Variants in MYDGF observed in about 807,000 individuals in gnomAD.
MYDGF encodes myeloid-derived growth factor.
MYDGF carries 29 observed loss-of-function variants against 24.2 expected under a neutral mutation model. The observed-to-expected ratio is 1.20, with a 90% confidence interval of 0.89 to 1.63. The LOEUF (loss-of-function observed/expected upper bound fraction) is 1.63, where lower values mean the gene tolerates loss of function less well. MYDGF is among the 40% of genes most tolerant of loss of function. The pLI, the probability that MYDGF is intolerant of heterozygous loss-of-function variation, is 0.00. For synonymous variants in MYDGF, 105 were observed against 102.5 expected, an observed-to-expected ratio of 1.02 and a Z score of -0.15; for missense variants, 245 against 234.8, an observed-to-expected ratio of 1.04 and a Z score of -0.29.
chr19:4,666,603 A>G (rs1299415905), intron 2 of MYDGF, among the ~76,000 whole-genome samples: 1 of 151,986 alleles, frequency 6.6e-6, no homozygotes, highest in Non-Finnish European at 1.5e-5. Flanking sequence ...AAATGGACCC[A>G]TGAATCCCAC....
At chr19:4,668,813 C>A in intron 1 of MYDGF, 168 bp from the exon 2 acceptor site, 1 of 553,656 alleles carries the variant, frequency 1.8e-6, no homozygotes, top group Non-Finnish European at 3.3e-6. Context: ...TCTCAAGTAA[C>A]TGAGACAATA....
intron 5 of MYDGF, among the ~76,000 whole-genome samples, chr19:4,659,501 G>C (rs900564175): frequency 6.6e-6 from 1 of 152,146 alleles, no homozygotes; most frequent in African/African-American, 2.4e-5. Context: ...TGGGATTACA[G>C]GCGTGAGCCA....
intron 5 of MYDGF, among the ~76,000 whole-genome samples, chr19:4,659,475 C>T (rs911931683): frequency 4.6e-5 from 7 of 151,462 alleles, no homozygotes; most frequent in Non-Finnish European, 1.0e-4. Context: ...CCGCCCGCCT[C>T]GTCCTCCCAA....
intron 2 of MYDGF, among the ~76,000 whole-genome samples, chr19:4,667,822 C>T: frequency 6.6e-6 from 1 of 152,102 alleles, no homozygotes; most frequent in East Asian, 1.9e-4. Flanking sequence ...CTCAGTCTCC[C>T]AAGTAGCTGG....
intron 3 of MYDGF, among the ~76,000 whole-genome samples, chr19:4,662,483 C>G (rs1047779892): frequency 2.0e-5 from 3 of 152,166 alleles, no homozygotes; most frequent in Non-Finnish European, 4.4e-5. Context: ...GAGCTGGGAT[C>G]TAGGCAGTGG....
chr19:4,663,902 G>A (rs2088500682), intron 3 of MYDGF, among the ~76,000 whole-genome samples: 1 of 150,344 alleles, frequency 6.7e-6, no homozygotes, highest in Non-Finnish European at 1.5e-5. Context: ...GGTGCCTGGA[G>A]GGGCTCCCTG....
chr19:4,669,996 C>A (rs1256732662), intron 1 of MYDGF, among the ~76,000 whole-genome samples, 165 bp downstream of exon 1: 1 of 151,978 alleles, frequency 6.6e-6, no homozygotes, highest in Non-Finnish European at 1.5e-5. Context: ...CCCGGCCTCA[C>A]GGTCCCGCGC....
In MYDGF at chr19:4,663,462, C is replaced by G. The variant is rs55815704; in HGVS notation, c.287+1414G>C. On this transcript the variant is annotated intron_variant, in intron 3 of 5. Coordinates refer to ENST00000262947, the MANE Select transcript of MYDGF (RefSeq NM_019107.4). Reference sequence around the variant, plus strand: ...TCATTCTACACAGCCTCCAATCTACCCTCCCCACCCCATCCTCATTCTACA... The same window carrying G: ...TCATTCTACACAGCCTCCAATCTACGCTCCCCACCCCATCCTCATTCTACA... 3.9e-5 allele frequency among the ~76,000 whole-genome samples: 5 copies of G among 126,640 alleles called. No homozygotes were observed. The East Asian group carries it at 7.8e-4, about 20-fold the overall frequency. 83.1% of individuals were successfully genotyped at this position (126,640 alleles called of 152,430 possible). A position where few individuals can be genotyped will look rare whatever the true frequency, so the allele number is the denominator to read the frequency against.
Position 4,660,739 on chromosome 19 carries a change from T to G in MYDGF, c.299A>C (p.Lys100Thr), listed in dbSNP as rs2088463898. 1.2e-6 allele frequency: 2 copies of G among 1,613,768 alleles called. No homozygotes were observed. The highest frequency in any genetic ancestry group is 1.7e-6 in the Non-Finnish European group (2 of 1,179,850). ...FTCTIWRPQGKSYLYFTQFKA... is the reference protein window; with the variant it reads ...FTCTIWRPQGTSYLYFTQFKA... ...GAACTGTGTGAAGTACAGATAGGACTTCCCCTGGGGCCTGCAGAGGAAGAG... is the reference window on the plus strand; with the variant it reads ...GAACTGTGTGAAGTACAGATAGGACGTCCCCTGGGGCCTGCAGAGGAAGAG... The change falls in exon 4 of 6, where the codon AAG becomes ACG. Residue 100 changes from lysine (K) to threonine (T), a missense_variant. By Grantham distance (78) the Lys-to-Thr change is moderately conservative. Coordinates refer to ENST00000262947, the MANE Select transcript of MYDGF (RefSeq NM_019107.4).
Position 4,657,989 on chromosome 19 carries a change from G to C in MYDGF, c.*16C>G, listed in dbSNP as rs767121173. 3.1e-6 allele frequency: 5 copies of C among 1,601,202 alleles called. No individual in the cohort carries two copies. Among genetic ancestry groups the C allele is most frequent in the Non-Finnish European group, 4.3e-6 (5 of 1,174,922 alleles). ...CACCGGAGATGAGAAGGTGCCACCC[G>C]CAACAGGGCTGCTGGTCACAGCTCA... On this transcript the variant is annotated 3_prime_UTR_variant, in exon 6 of 6. Transcript: ENST00000262947.
chr19:4,663,412 TGTGC>T (rs2088489209), intron 3 of MYDGF, among the ~76,000 whole-genome samples: 1 of 131,300 alleles, frequency 7.6e-6, no homozygotes, highest in African/African-American at 3.0e-5. Flanking sequence ...GCCTCCAATC[TGTGC>T]CCTCTCCACC....
intron 1 of MYDGF, 75 bp from the exon 2 acceptor site, chr19:4,668,720 C>A: frequency 7.5e-7 from 1 of 1,339,384 alleles, no homozygotes; most frequent in South Asian, 1.2e-5. Context: ...GTCTTGCTGT[C>A]ACCCAAGCTG....
In MYDGF at chr19:4,659,292, A is replaced by G. The variant is rs555749492; in HGVS notation, c.442+639T>C. On this transcript the variant is annotated intron_variant, in intron 5 of 5. Transcript: ENST00000262947. ...CTTGCTGTCTTCCAGGCTAGAGTGC[A>G]GTGGCATGATCTCAGCTCACTGCAA... Among the ~76,000 whole-genome samples, 7 of 152,076 alleles carry G rather than the reference A, an allele frequency of 4.6e-5. No individual in the cohort carries two copies. In the East Asian group the frequency reaches 1.4e-3, roughly 29 times the overall value.
At position 4,658,081 on chromosome 19, in the gene MYDGF, G is replaced by C; in HGVS notation, c.446C>G (p.Ala149Gly). The stretch of plus-strand genomic sequence containing the variant: ...AGCTTTGAATGCCCCGGGCCTGTGA[G>C]CCACTGCAAGAAAGAAACACATGGT... ...EEFEVTKTAVAHRPGAFKAEL... is the reference protein window; with the variant it reads ...EEFEVTKTAVGHRPGAFKAEL... Residue 149 changes from alanine to glycine, a missense_variant, in exon 6 of 6, where the codon GCT becomes GGT. Coordinates refer to ENST00000262947, the MANE Select transcript of MYDGF (RefSeq NM_019107.4). 2 of 1,609,674 alleles carry C rather than the reference G, an allele frequency of 1.2e-6. No homozygotes were observed. The highest frequency in any genetic ancestry group is 2.2e-5 in the South Asian group (2 of 90,058).
At chr19:4,664,465 G>A (rs1441249712) in intron 3 of MYDGF, among the ~76,000 whole-genome samples, 4 of 150,408 alleles carry the variant, frequency 2.7e-5, no homozygotes, top group Non-Finnish European at 5.9e-5. Flanking sequence ...ACTACAGCCC[G>A]GGCAAAAGAT....
chr19:4,666,957 T>C (rs1441921090), intron 2 of MYDGF, among the ~76,000 whole-genome samples: 1 of 151,998 alleles, frequency 6.6e-6, no homozygotes, highest in Non-Finnish European at 1.5e-5. Context: ...CAAGCTCTTG[T>C]GGTTGTGGCA....
chr19:4,660,653 A>G lies in MYDGF; in HGVS notation c.369+16T>C. On this transcript the variant is annotated intron_variant, in intron 4 of 5. Coordinates refer to ENST00000262947, the MANE Select transcript of MYDGF (RefSeq NM_019107.4). The stretch of plus-strand genomic sequence containing the variant: ...AGAAGCCACACCCGGAGCCTGCCCC[A>G]CTCCAAGATACTCACGTAGGCCATG... The G allele has an allele frequency of 6.2e-7, 1 of 1,610,998 alleles. No individual in the cohort carries two copies. The highest frequency in any genetic ancestry group is 8.5e-7 in the Non-Finnish European group (1 of 1,177,556).
chr19:4,663,413 G>A (rs2088489183), intron 3 of MYDGF, among the ~76,000 whole-genome samples: 3 of 78,256 alleles, frequency 3.8e-5, no homozygotes, highest in African/African-American at 5.3e-5. Flanking sequence ...CCTCCAATCT[G>A]TGCCCTCTCC....
chr19:4,670,263 C>A lies in MYDGF; in HGVS notation c.72G>T (p.Val24=). Residue 24 remains valine (V), a synonymous_variant, in exon 1 of 6, where the codon GTG becomes GTT. Coordinates refer to ENST00000262947, the MANE Select transcript of MYDGF (RefSeq NM_019107.4). The part of the protein sequence containing the change: ...SLWAALLLGA[V]ALRPAEAVSE... ...ACACCGCCTCCGCCGGCCTCAGCGC[C>A]ACGGCCCCTAGGAGCAGCGCGGCCC... 1.9e-6 allele frequency: 3 copies of A among 1,559,340 alleles called. No homozygotes were observed. The highest frequency in any genetic ancestry group is 2.6e-6 in the Non-Finnish European group (3 of 1,155,282).
Sources: allele counts gnomAD v4.1 joint callset (sites outside exome capture counted in the v4.1 genomes callset), GRCh38; gene constraint gnomAD v4.1.1; transcripts MANE v1.5; gene names NCBI Gene and HGNC (gene_info 2026-07-23, HGNC 2026-07-21).